Variants in ZPBP observed in about 807,000 individuals in gnomAD.
ZPBP encodes the protein zona pellucida-binding protein 1.
A neutral mutation model predicts 44.8 loss-of-function variants in ZPBP; 26 were observed. That is an observed-to-expected ratio of 0.58 (90% CI 0.43 to 0.81). ZPBP has a LOEUF of 0.81. Ranked by LOEUF, ZPBP falls within the 30% of genes least tolerant of loss-of-function variation. The pLI is 0.00. For missense variants in ZPBP, 409 were observed against 434.0 expected, an observed-to-expected ratio of 0.94 and a Z score of 0.51; for synonymous variants, 174 against 153.2, an observed-to-expected ratio of 1.14 and a Z score of -1.00.
intron 4 of ZPBP, among the ~76,000 whole-genome samples, chr7:50,045,005 C>A (rs2128820309): frequency 6.6e-6 from 1 of 152,292 alleles, no homozygotes; most frequent in East Asian, 1.9e-4. Flanking sequence ...ATACTCAAAT[C>A]AATAAACGTA....
chr7:50,020,041 C>T (rs1418876820), intron 5 of ZPBP, among the ~76,000 whole-genome samples: 1 of 148,970 alleles, frequency 6.7e-6, no homozygotes, highest in Non-Finnish European at 1.5e-5. Flanking sequence ...GAGTGAGACT[C>T]TGTCTCAAAA....
intron 7 of ZPBP, among the ~76,000 whole-genome samples, chr7:49,970,246 TACTC>T (rs1183202698): frequency 1.3e-5 from 2 of 152,084 alleles, no homozygotes; most frequent in Non-Finnish European, 2.9e-5. Context: ...GTTCTTAAAA[TACTC>T]AAACAGAGAA....
At chr7:49,982,603 C>T (rs1177448949) in intron 7 of ZPBP, among the ~76,000 whole-genome samples, 1 of 151,110 alleles carries the variant, frequency 6.6e-6, no homozygotes, top group African/African-American at 2.4e-5. Context: ...ACTTCTCAGC[C>T]ATCAGAATCG....
chr7:50,030,964 G>A, intron 5 of ZPBP, 128 bp downstream of exon 5: 1 of 802,556 alleles, frequency 1.2e-6, no homozygotes, highest in Non-Finnish European at 2.0e-6. Context: ...TCAAAGTAGA[G>A]AACAAAATAT....
chr7:49,844,419 A>G, the ZPBP span, among the ~76,000 whole-genome samples: 1 of 152,242 alleles, frequency 6.6e-6, no homozygotes, highest in Non-Finnish European at 1.5e-5. Context: ...GCAGAGTTAG[A>G]TAACTATAGA....
At chr7:49,964,174 A>C (rs76193196) in intron 7 of ZPBP, among the ~76,000 whole-genome samples, 4,567 of 151,994 alleles carry the variant, frequency 0.03, 184 homozygotes, top group South Asian at 0.13. Context: ...TAAAAAATTT[A>C]TATAGCTAAC....
intron 2 of ZPBP, among the ~76,000 whole-genome samples, chr7:49,874,202 A>T (rs1791299089): frequency 6.6e-6 from 1 of 152,104 alleles, no homozygotes; most frequent in Non-Finnish European, 1.5e-5. Flanking sequence ...ACACACAGTC[A>T]TGTGCCTCAT....
chr7:50,067,839 T>C (rs182499080), intron 3 of ZPBP, among the ~76,000 whole-genome samples: 3 of 152,308 alleles, frequency 2.0e-5, no homozygotes, highest in African/African-American at 7.2e-5. Context: ...CCTGGATAAG[T>C]ATGTCACTGG....
chr7:49,972,866 A>G (rs999006668), intron 7 of ZPBP, among the ~76,000 whole-genome samples: 5 of 152,078 alleles, frequency 3.3e-5, no homozygotes, highest in Non-Finnish European at 7.4e-5. Flanking sequence ...ATAATGGCAT[A>G]AAGGCAGACA....
chr7:49,883,970 AG>A (rs1201721447), intron 2 of ZPBP, among the ~76,000 whole-genome samples: 4 of 152,366 alleles, frequency 2.6e-5, no homozygotes, highest in Non-Finnish European at 5.9e-5. Flanking sequence ...GTGATGGTGG[AG>A]AAAGCATTTC....
Position 49,939,272 on chromosome 7 carries a change from A to G in ZPBP, c.962-1650T>C, listed in dbSNP as rs73349107. On this transcript the variant is annotated intron_variant, in intron 7 of 7. Coordinates refer to ENST00000046087, the MANE Select transcript of ZPBP (RefSeq NM_007009.3). ...TGCAGTCTTTACACATATGCTTTAT[A>G]TTGATTATCAAAAATAGAAATGACA... 6.2e-3 allele frequency among the ~76,000 whole-genome samples: 944 copies of G among 152,300 alleles called. 9 individuals are homozygous for G. The highest frequency in any genetic ancestry group is 0.022 in the African/African-American group (900 of 41,578).
At chr7:49,863,805 A>G (rs1285446474) in intron 2 of ZPBP, among the ~76,000 whole-genome samples, 1 of 152,138 alleles carries the variant, frequency 6.6e-6, no homozygotes, top group Non-Finnish European at 1.5e-5. Flanking sequence ...CCTTGGGTTT[A>G]GTGTGCTCTC....
At chr7:50,086,807 T>C (rs1484096085) in intron 2 of ZPBP, among the ~76,000 whole-genome samples, 1 of 152,008 alleles carries the variant, frequency 6.6e-6, no homozygotes. Flanking sequence ...CCAAATTTGA[T>C]TGAAAACATG....
At chr7:50,032,353 C>T (rs141074876) in intron 4 of ZPBP, among the ~76,000 whole-genome samples, 82 of 152,236 alleles carry the variant, frequency 5.4e-4, no homozygotes, top group African/African-American at 1.8e-3. Flanking sequence ...AGAGCTGGAA[C>T]TATAGTTGAG....
chr7:49,850,898 G>A (rs1199809879), intron 2 of ZPBP, among the ~76,000 whole-genome samples: 2 of 152,222 alleles, frequency 1.3e-5, no homozygotes, highest in African/African-American at 4.8e-5. Context: ...CTGTGGAGAA[G>A]GCTGTGTGAA....
chr7:50,060,340 A>C (rs1801182385), intron 3 of ZPBP, among the ~76,000 whole-genome samples: 2 of 152,126 alleles, frequency 1.3e-5, no homozygotes, highest in African/African-American at 4.8e-5. Flanking sequence ...ATGGTGACAC[A>C]AAAAAACATA....
intron 7 of ZPBP, among the ~76,000 whole-genome samples, chr7:49,948,889 G>C (rs1376972940): frequency 6.6e-6 from 1 of 152,158 alleles, no homozygotes; most frequent in Non-Finnish European, 1.5e-5. Flanking sequence ...AGAATTGAAA[G>C]AAGTGTCTCA....
At chr7:50,056,327 T>G (rs972932487) in intron 4 of ZPBP, 2 of 152,202 alleles carry the variant, frequency 1.3e-5, no homozygotes, top group African/African-American at 4.8e-5. Context: ...GCATGTGGCT[T>G]CTTCTTTGAT....
At chr7:50,035,022 T>C (rs569931562) in intron 4 of ZPBP, among the ~76,000 whole-genome samples, 1 of 152,222 alleles carries the variant, frequency 6.6e-6, no homozygotes, top group Admixed American at 6.5e-5. Context: ...CCTTCCTTAC[T>C]GGAGACAACA....
Sources: gnomAD v4.1 joint callset for allele counts (sites outside exome capture counted in the v4.1 genomes callset) on GRCh38, gnomAD v4.1.1 for gene constraint, MANE v1.5 for transcripts, NCBI Gene and HGNC (gene_info 2026-07-23, HGNC 2026-07-21) for gene names.